The following ADAM19 variants were observed in gnomAD, a reference collection of about 807,000 sequenced individuals.
The protein encoded by ADAM19 is disintegrin and metalloproteinase domain-containing protein 19.
ADAM19 carries 65 observed loss-of-function variants against 114.7 expected under a neutral mutation model. That is an observed-to-expected ratio of 0.57 (90% CI 0.46 to 0.70). ADAM19 has a LOEUF of 0.70. Among genes scored for constraint, ADAM19 ranks in the 30% least tolerant of loss-of-function variants. The pLI is 0.00. For missense variants in ADAM19, 1,063 were observed against 1,204.7 expected, an observed-to-expected ratio of 0.88 and a Z score of 1.74; for synonymous variants, 466 against 460.5, an observed-to-expected ratio of 1.01 and a Z score of -0.15.
chr5:157,519,992 G>C lies in ADAM19; in HGVS notation c.447C>G (p.Ile149Met), dbSNP rs370864648. ...ITVSSNLSYV[I>M]EPLPDSKGQH... ...GGCCCTTGCTGTCAGGGAGGGGCTCGATGACGTAGCTGAGGTTGCTGCTCA... is the reference window on the plus strand; with the variant it reads ...GGCCCTTGCTGTCAGGGAGGGGCTCCATGACGTAGCTGAGGTTGCTGCTCA... The change falls in exon 6 of 23, where the codon ATC becomes ATG. Residue 149 changes from isoleucine (I) to methionine (M), a missense_variant. By Grantham distance (10) the Ile-to-Met change is conservative. Transcript: ENST00000257527. 30 of 1,614,156 alleles carry C rather than the reference G, an allele frequency of 1.9e-5. No homozygotes were observed. The highest frequency in any genetic ancestry group is 2.5e-5 in the Non-Finnish European group (29 of 1,179,998).
chr5:157,543,669 A>G (rs1045204889), intron 3 of ADAM19, among the ~76,000 whole-genome samples: 2 of 152,140 alleles, frequency 1.3e-5, no homozygotes, highest in African/African-American at 4.8e-5. Context: ...TGGGCATCTG[A>G]GGTTTATAAT....
Position 157,571,938 on chromosome 5 carries a change from G to A in ADAM19, c.95-958C>T, listed in dbSNP as rs149285430. The stretch of plus-strand genomic sequence containing the variant: ...TCAATATGAAATTGCCTCCTACTCC[G>A]CAGAGCATCACTGCATCAAGTTACA... On this transcript the variant is annotated intron_variant, in intron 1 of 22. Coordinates refer to ENST00000257527, the MANE Select transcript of ADAM19 (RefSeq NM_033274.5). Among the ~76,000 whole-genome samples the A allele has an allele frequency of 3.6e-3, 554 of 152,310 alleles. 4 individuals carry two copies. The highest frequency in any genetic ancestry group is 0.01 in the African/African-American group (426 of 41,574).
intron 11 of ADAM19, among the ~76,000 whole-genome samples, chr5:157,503,354 AG>A (rs1755629229): frequency 6.6e-6 from 1 of 152,144 alleles, no homozygotes; most frequent in African/African-American, 2.4e-5. Context: ...GGGTAGCAAG[AG>A]GCGGGGAGGG....
At position 157,533,157 on chromosome 5, in the gene ADAM19, G is replaced by A. The variant is rs147140719; in HGVS notation, c.331-2274C>T. Among the ~76,000 whole-genome samples, 834 of 152,194 alleles carry A rather than the reference G, an allele frequency of 5.5e-3. 9 individuals carry two copies. Among genetic ancestry groups the A allele is most frequent in the African/African-American group, 0.019 (793 of 41,538 alleles). Reference sequence around the variant, plus strand: ...TACAGGCCAAGCTGACACTCAACACGGCCTCGTTCTCCAGACCACAGGTGC... The same window carrying A: ...TACAGGCCAAGCTGACACTCAACACAGCCTCGTTCTCCAGACCACAGGTGC... On this transcript the variant is annotated intron_variant, in intron 4 of 22. Coordinates refer to ENST00000257527, the MANE Select transcript of ADAM19 (RefSeq NM_033274.5).
At chr5:157,575,335 CAG>C (rs1757942549) in intron 1 of ADAM19, among the ~76,000 whole-genome samples, 1 of 152,210 alleles carries the variant, frequency 6.6e-6, no homozygotes, top group African/African-American at 2.4e-5. Flanking sequence ...AGCAGAAAAA[CAG>C]AGGAAGGAGA....
chr5:157,531,152 C>T (rs1285272253), intron 4 of ADAM19, among the ~76,000 whole-genome samples: 1 of 152,148 alleles, frequency 6.6e-6, no homozygotes, highest in Non-Finnish European at 1.5e-5. Flanking sequence ...CCAAGGTCTC[C>T]CTGCTGATTG....
At chr5:157,500,821 T>G (rs1755536796) in intron 12 of ADAM19, among the ~76,000 whole-genome samples, 1 of 152,176 alleles carries the variant, frequency 6.6e-6, no homozygotes, top group Non-Finnish European at 1.5e-5. Context: ...CATCACACTC[T>G]TACAGTATTA....
At chr5:157,495,627 A>C (rs1755335932) in intron 14 of ADAM19, among the ~76,000 whole-genome samples, 1 of 152,076 alleles carries the variant, frequency 6.6e-6, no homozygotes, top group East Asian at 1.9e-4. Context: ...AAAGAATGGA[A>C]GCATATTCTT....
At position 157,570,952 on chromosome 5, in the gene ADAM19, C is replaced by T; in HGVS notation, c.123G>A (p.Leu41=). The T allele has an allele frequency of 6.2e-7, 1 of 1,614,160 alleles. No homozygotes were observed. Among genetic ancestry groups the T allele is most frequent in the Non-Finnish European group, 8.5e-7 (1 of 1,180,010 alleles). The change falls in exon 2 of 23, where the codon CTG becomes CTA. Residue 41 remains leucine, a synonymous_variant. Coordinates refer to ENST00000257527, the MANE Select transcript of ADAM19 (RefSeq NM_033274.5). ...TRGSEEGSPK[L]QHELIIPQWK... Reference sequence around the variant, plus strand: ...ACTGAGGTATGATAAGTTCATGCTGCAGCTTGGGGCTGCCTTCCTCACTTC... The same window carrying T: ...ACTGAGGTATGATAAGTTCATGCTGTAGCTTGGGGCTGCCTTCCTCACTTC...
intron 10 of ADAM19, 144 bp downstream of exon 10, chr5:157,506,911 CT>C: frequency 6.0e-6 from 4 of 666,946 alleles, no homozygotes; most frequent in Non-Finnish European, 7.7e-6. Context: ...AACTTAATGA[CT>C]TCATTTTAAA....
intron 14 of ADAM19, 92 bp downstream of exon 14, chr5:157,496,802 G>A (rs1231568207): frequency 1.6e-6 from 2 of 1,214,978 alleles, no homozygotes; most frequent in South Asian, 1.6e-5. Flanking sequence ...GGTGCCATTT[G>A]AAGCCAAGAT....
chr5:157,499,516 G>A (rs1755480721), intron 13 of ADAM19, 57 bp downstream of exon 13: 1 of 1,458,544 alleles, frequency 6.9e-7, no homozygotes, highest in African/African-American at 1.4e-5. Flanking sequence ...CAGCAGAGCA[G>A]TCCTGTGGTC....
At chr5:157,510,960 G>A (rs542744651) in intron 8 of ADAM19, among the ~76,000 whole-genome samples, 43 of 152,282 alleles carry the variant, frequency 2.8e-4, no homozygotes, top group African/African-American at 8.4e-4. Context: ...GACTACAGAC[G>A]TTCTTGGTAA....
intron 21 of ADAM19, 140 bp downstream of exon 21, chr5:157,488,125 G>A (rs11466805): frequency 0.051 from 41,244 of 801,862 alleles, 1,300 homozygotes; most frequent in East Asian, 0.11. Context: ...CCTGCTGTGC[G>A]CCCCCGTATT....
At chr5:157,504,482 C>T (rs966577062) in intron 11 of ADAM19, among the ~76,000 whole-genome samples, 3 of 152,154 alleles carry the variant, frequency 2.0e-5, no homozygotes, top group African/African-American at 7.2e-5. Flanking sequence ...AACTCCTGAC[C>T]TCAGGTGAAC....
At chr5:157,514,326 CTTTCTT>C (rs1476387471) in intron 7 of ADAM19, among the ~76,000 whole-genome samples, 5 of 141,690 alleles carry the variant, frequency 3.5e-5, no homozygotes, top group Non-Finnish European at 6.1e-5. Context: ...AATCACATTT[CTTTCTT>C]TTTTTTTTTT....
intron 3 of ADAM19, among the ~76,000 whole-genome samples, 200 bp downstream of exon 3, chr5:157,564,173 T>C (rs1380731017): frequency 6.6e-6 from 1 of 152,166 alleles, no homozygotes; most frequent in African/African-American, 2.4e-5. Flanking sequence ...TAGCAACACA[T>C]TTAGCAGTCC....
At chr5:157,547,712 T>C (rs938518311) in intron 3 of ADAM19, among the ~76,000 whole-genome samples, 1 of 152,198 alleles carries the variant, frequency 6.6e-6, no homozygotes, top group African/African-American at 2.4e-5. Flanking sequence ...GGACTGTCCC[T>C]TGAAACCACC....
Position 157,477,537 on chromosome 5 carries a change from G to A in ADAM19, c.*3412C>T, listed in dbSNP as rs985820415. On this transcript the variant is annotated 3_prime_UTR_variant, in exon 23 of 23. Transcript: ENST00000257527. Reference sequence around the variant, plus strand: ...CACAGTGGACGGTGTGAGAGGACGCGTTGGGGGTGACTTTGGAAATGTGGG... The same window carrying A: ...CACAGTGGACGGTGTGAGAGGACGCATTGGGGGTGACTTTGGAAATGTGGG... 26 of 1,181,490 alleles carry A rather than the reference G, an allele frequency of 2.2e-5. No individual in the cohort carries two copies. Among genetic ancestry groups the A allele is most frequent in the Middle Eastern group, 3.0e-4 (1 of 3,322 alleles). The allele number at this position is 1,181,490 out of a possible 1,614,324, so 73.2% of individuals were successfully genotyped here.
Sources: allele counts gnomAD v4.1 joint callset (sites outside exome capture counted in the v4.1 genomes callset), GRCh38; gene constraint gnomAD v4.1.1; transcripts MANE v1.5; gene names NCBI Gene and HGNC (gene_info 2026-07-23, HGNC 2026-07-21).